SIMC1: variants seen among roughly 807,000 people sequenced by gnomAD.
SIMC1 encodes SUMO interacting motifs containing 1.
A neutral mutation model predicts 82.3 loss-of-function variants in SIMC1; 55 were observed. The ratio of observed to expected loss-of-function variants is 0.67; its 90% confidence interval spans 0.54 to 0.84. The LOEUF (loss-of-function observed/expected upper bound fraction) is 0.84. Among genes scored for constraint, SIMC1 ranks in the 40% least tolerant of loss-of-function variants. The probability of loss-of-function intolerance (pLI) is 0.00; values close to 1 mark genes in which losing one functional copy is unlikely to be tolerated. For missense variants in SIMC1, 915 were observed against 1,107.2 expected (o/e 0.83, Z 2.46); for synonymous variants, 353 against 426.3 (o/e 0.83, Z 2.12).
At chr5:176,284,229 T>C (rs1307319566) in intron 1 of SIMC1, among the ~76,000 whole-genome samples, 1 of 152,228 alleles carries the variant, frequency 6.6e-6, no homozygotes, top group East Asian at 1.9e-4. Context: ...TACATTCTTC[T>C]CAGCACCACA....
At chr5:176,249,399 T>C (rs1440658788) in intron 1 of SIMC1, among the ~76,000 whole-genome samples, 1 of 152,168 alleles carries the variant, frequency 6.6e-6, no homozygotes, top group East Asian at 1.9e-4. Context: ...TAGAGGTGTG[T>C]ATAGTCTTCT....
At chr5:176,275,968 A>G (rs1340356386) in intron 1 of SIMC1, among the ~76,000 whole-genome samples, 1 of 151,708 alleles carries the variant, frequency 6.6e-6, no homozygotes, top group Non-Finnish European at 1.5e-5. Context: ...CTTTGGTATC[A>G]GGATGATGCT....
rs1459435745 is a variant in SIMC1, at chr5:176,322,321, T to C, written c.1938T>C (p.Thr646=). 1 of 1,584,582 alleles carries C rather than the reference T, an allele frequency of 6.3e-7. No individual in the cohort carries two copies. The highest frequency in any genetic ancestry group is 8.6e-7 in the Non-Finnish European group (1 of 1,164,916). The change falls in exon 6 of 10, where the codon ACT becomes ACC. Residue 646 remains threonine (T), a synonymous_variant. Transcript: ENST00000429602. ...LVKAVTEDGL[T]QPPNGNQTSS... ...AAGCAGTAACTGAAGATGGATTGAC[T>C]CAGCCCCCAAATGGAAATCAAACGT...
chr5:176,292,483 T>G (rs1237554891), intron 2 of SIMC1, among the ~76,000 whole-genome samples: 2 of 152,196 alleles, frequency 1.3e-5, no homozygotes, highest in Admixed American at 6.5e-5. Context: ...TTTAAAATTA[T>G]TACATCTTCT....
At chr5:176,306,251 C>T (rs1200351786) in intron 4 of SIMC1, among the ~76,000 whole-genome samples, 1 of 109,832 alleles carries the variant, frequency 9.1e-6, no homozygotes, top group African/African-American at 3.1e-5. Context: ...AGTGAGGAGC[C>T]CCTCTGCCCG....
Position 176,305,169 on chromosome 5 carries a change from C to T in SIMC1, c.1735-8522C>T, listed in dbSNP as rs1190557521. 6.7e-5 allele frequency among the ~76,000 whole-genome samples: 5 copies of T among 74,104 alleles called. 1 individual carries two copies. The highest frequency in any genetic ancestry group is 1.4e-4 in the African/African-American group (3 of 20,914). 48.6% of individuals were successfully genotyped at this position (74,104 alleles called of 152,430 possible). On this transcript the variant is annotated intron_variant, in intron 4 of 9. Transcript: ENST00000429602. ...GGGGTCAGCCCCCCGCCTGGCCAGC[C>T]GTGCCGTCCGGGAGGGAGGTGGGGG...
At chr5:176,261,870 G>T (rs1439740359) in intron 1 of SIMC1, among the ~76,000 whole-genome samples, 5 of 152,056 alleles carry the variant, frequency 3.3e-5, no homozygotes, top group Non-Finnish European at 2.9e-5. Context: ...GGCCCAGATG[G>T]GTTGGCGAGT....
At chr5:176,279,414 CA>C (rs963404447) in intron 1 of SIMC1, among the ~76,000 whole-genome samples, 2 of 151,888 alleles carry the variant, frequency 1.3e-5, no homozygotes, top group African/African-American at 4.8e-5. Context: ...TTGATCGTTT[CA>C]AAAAACCAGC....
At chr5:176,280,691 A>G (rs1428420029) in intron 1 of SIMC1, among the ~76,000 whole-genome samples, 1 of 152,010 alleles carries the variant, frequency 6.6e-6, no homozygotes, top group Non-Finnish European at 1.5e-5. Flanking sequence ...TCTTTCACTT[A>G]TGAAGCTTCG....
intron 6 of SIMC1, among the ~76,000 whole-genome samples, chr5:176,324,395 C>A (rs1561724679): frequency 6.6e-6 from 1 of 152,098 alleles, no homozygotes; most frequent in Non-Finnish European, 1.5e-5. Flanking sequence ...CAGCTCAACC[C>A]CAGGTTCTGA....
At chr5:176,266,683 ACT>A (rs1242202326) in intron 1 of SIMC1, among the ~76,000 whole-genome samples, 1 of 97,072 alleles carries the variant, frequency 1.0e-5, no homozygotes, top group African/African-American at 4.8e-5. Flanking sequence ...ATAGAAACTG[ACT>A]CTGAGTGAGC....
At chr5:176,276,712 C>T (rs1441817800) in intron 1 of SIMC1, among the ~76,000 whole-genome samples, 2 of 144,050 alleles carry the variant, frequency 1.4e-5, no homozygotes, top group African/African-American at 5.2e-5. Flanking sequence ...GTTTTTTGTT[C>T]TTGCGATAGT....
In SIMC1 at chr5:176,308,621, T is replaced by C. The variant is rs1019908975; in HGVS notation, c.1735-5070T>C. On this transcript the variant is annotated intron_variant, in intron 4 of 9. Coordinates refer to ENST00000429602, the MANE Select transcript of SIMC1 (RefSeq NM_001308195.2). ...CCCAAAAGAGTTCAGAGTCCCTTCA[T>C]GGTCCACAAGACTTCTGGAGCTCCA... 1.9e-5 allele frequency: 30 copies of C among 1,585,562 alleles called. No individual in the cohort carries two copies. The Admixed American group carries it at 3.5e-4, about 19-fold the overall frequency.
Position 176,313,768 on chromosome 5 carries a change from G to C in SIMC1, c.1812G>C (p.Leu604=). The C allele has an allele frequency of 2.5e-6, 4 of 1,614,006 alleles. No homozygotes were observed. Among genetic ancestry groups the C allele is most frequent in the Non-Finnish European group, 3.4e-6 (4 of 1,179,878 alleles). The change falls in exon 5 of 10, where the codon CTG becomes CTC. Residue 604 remains leucine, a synonymous_variant. Coordinates refer to ENST00000429602, the MANE Select transcript of SIMC1 (RefSeq NM_001308195.2). ...QTLEDDFQQT[L]RRQRQHLQQS... is the part of the protein sequence containing the mutation. ...TAGAAGATGACTTTCAGCAGACCCT[G>C]AGGAGGCAACGGCAGCACCTGCAGC... is the stretch of plus-strand genomic sequence containing the variant.
intron 4 of SIMC1, among the ~76,000 whole-genome samples, chr5:176,305,950 T>C (rs1764347843): frequency 1.5e-5 from 1 of 66,536 alleles, no homozygotes; most frequent in Admixed American, 1.3e-4. Flanking sequence ...GGAGCCCCTC[T>C]GCCCGGCCAG....
chr5:176,344,404 C>T (rs1214753894), intron 9 of SIMC1, among the ~76,000 whole-genome samples: 1 of 150,728 alleles, frequency 6.6e-6, no homozygotes, highest in Non-Finnish European at 1.5e-5. Flanking sequence ...GGCACGGTGG[C>T]TCACACCTGT....
intron 4 of SIMC1, among the ~76,000 whole-genome samples, chr5:176,309,712 G>C (rs1764579921): frequency 6.6e-6 from 1 of 152,194 alleles, no homozygotes; most frequent in Non-Finnish European, 1.5e-5. Flanking sequence ...AAGATGGGAG[G>C]AGTGCTTGAG....
At chr5:176,281,606 G>C (rs1203827404) in intron 1 of SIMC1, among the ~76,000 whole-genome samples, 1 of 152,058 alleles carries the variant, frequency 6.6e-6, no homozygotes, top group African/African-American at 2.4e-5. Context: ...ATGGGTTTTT[G>C]GTGTGGATGT....
chr5:176,275,701 A>G (rs1169882882), intron 1 of SIMC1, among the ~76,000 whole-genome samples: 3 of 151,880 alleles, frequency 2.0e-5, no homozygotes, highest in Non-Finnish European at 4.4e-5. Flanking sequence ...AATTTTGTCA[A>G]CAACCTTTTC....
Sources: allele counts gnomAD v4.1 joint callset (sites outside exome capture counted in the v4.1 genomes callset), GRCh38; gene constraint gnomAD v4.1.1; transcripts MANE v1.5; gene names NCBI Gene and HGNC (gene_info 2026-07-23, HGNC 2026-07-21).